Variants in DNAJB14 observed in about 807,000 individuals in gnomAD.
The protein encoded by DNAJB14 is DnaJ heat shock protein family (Hsp40) member B14.
DNAJB14 carries 22 observed loss-of-function variants against 48.4 expected under a neutral mutation model. The observed-to-expected ratio is 0.45, with a 90% CI of 0.32 to 0.65. The LOEUF is 0.65. Ranked by LOEUF, DNAJB14 falls within the 30% of genes least tolerant of loss-of-function variation. The pLI is 0.03. For synonymous variants in DNAJB14, 142 were observed against 158.7 expected (o/e 0.89, Z 0.79); for missense variants, 319 against 458.8 (o/e 0.70, Z 2.78).
chr4:99,912,471 T>G (rs1725697184), intron 3 of DNAJB14, among the ~76,000 whole-genome samples: 1 of 152,128 alleles, frequency 6.6e-6, no homozygotes, highest in Admixed American at 6.5e-5. Flanking sequence ...TATCAATCTG[T>G]GATGACTTGA....
intron 1 of DNAJB14, among the ~76,000 whole-genome samples, chr4:99,941,784 C>T (rs960824800): frequency 1.3e-5 from 2 of 152,118 alleles, no homozygotes; most frequent in Admixed American, 6.5e-5. Context: ...TCCAAGGTCA[C>T]ATCATTATTA....
At chr4:99,912,132 A>G (rs1255964457) in intron 3 of DNAJB14, among the ~76,000 whole-genome samples, 2 of 152,246 alleles carry the variant, frequency 1.3e-5, no homozygotes. Context: ...TGAAAAGGCT[A>G]TCTTTCCTCC....
chr4:99,915,240 C>T (rs1725812253), intron 3 of DNAJB14, among the ~76,000 whole-genome samples: 1 of 152,172 alleles, frequency 6.6e-6, no homozygotes. Context: ...CAGGTTCATG[C>T]CATTCTCCTG....
intron 3 of DNAJB14, among the ~76,000 whole-genome samples, chr4:99,913,526 A>G (rs1196338945): frequency 1.3e-5 from 2 of 149,636 alleles, no homozygotes; most frequent in South Asian, 2.1e-4. Context: ...ATAAACTTCT[A>G]TTGTTTGGGG....
chr4:99,905,772 G>T, intron 5 of DNAJB14, 66 bp from the exon 6 acceptor site: 1 of 1,507,928 alleles, frequency 6.6e-7, no homozygotes, highest in Non-Finnish European at 9.2e-7. Flanking sequence ...TACAACAGTT[G>T]TCATACATTT....
At chr4:99,906,696 T>TA (rs1560731867) in intron 4 of DNAJB14, 85 bp from the exon 5 acceptor site, 4 of 1,154,052 alleles carry the variant, frequency 3.5e-6, no homozygotes, top group Non-Finnish European at 5.0e-6. Context: ...TCTTTAATTT[T>TA]AAAAAATTAC....
chr4:99,905,582 C>T lies in DNAJB14; in HGVS notation c.842+15G>A. 1 of 1,585,276 alleles carries T rather than the reference C, an allele frequency of 6.3e-7. No homozygotes were observed. Among genetic ancestry groups the T allele is most frequent in the Non-Finnish European group, 8.6e-7 (1 of 1,160,350 alleles). On this transcript the variant is annotated intron_variant, in intron 6 of 7. Coordinates refer to ENST00000442697, the MANE Select transcript of DNAJB14 (RefSeq NM_001031723.4). ...CAACAATTCATTTTTTGTAAAACTT[C>T]ACTTGGCTACTTACGATCTGGGATA... is the stretch of plus-strand genomic sequence containing the variant.
intron 1 of DNAJB14, among the ~76,000 whole-genome samples, chr4:99,937,886 G>A (rs1382307118): frequency 4.1e-5 from 6 of 145,452 alleles, no homozygotes; most frequent in Non-Finnish European, 6.0e-5. Context: ...TTCAAAACCA[G>A]CCTGGAGAAC....
intron 1 of DNAJB14, among the ~76,000 whole-genome samples, chr4:99,936,100 C>T (rs1350751808): frequency 6.6e-6 from 1 of 152,068 alleles, no homozygotes; most frequent in Non-Finnish European, 1.5e-5. Flanking sequence ...ACAGTCACAA[C>T]CAAAAACATG....
intron 2 of DNAJB14, chr4:99,924,713 T>C (rs1453843540): frequency 1.4e-5 from 23 of 1,608,182 alleles, no homozygotes; most frequent in Non-Finnish European, 1.7e-5. Flanking sequence ...GTTTAGAAGC[T>C]ATGTGATAGA....
chr4:99,903,722 T>G lies in DNAJB14; in HGVS notation c.1015+4A>C. 5 of 1,605,472 alleles carry G rather than the reference T, an allele frequency of 3.1e-6. No individual in the cohort carries two copies. Among genetic ancestry groups the G allele is most frequent in the Non-Finnish European group, 4.2e-6 (5 of 1,177,496 alleles). On this transcript the variant is annotated splice_donor_region_variant and intron_variant, in intron 7 of 7. Coordinates refer to ENST00000442697, the MANE Select transcript of DNAJB14 (RefSeq NM_001031723.4). ...TTAAAATGTTAAACACATGACAAAC[T>G]TACTTTGTTGTCTTTCTTTCCAGCA...
chr4:99,898,413 G>A lies in DNAJB14; in HGVS notation c.*2615C>T, dbSNP rs1725194012. 6.6e-6 allele frequency: 1 copy of A among 151,916 alleles called. No individual in the cohort carries two copies. The highest frequency in any genetic ancestry group is 1.5e-5 in the Non-Finnish European group (1 of 67,818). The allele number at this position is 151,916 out of a possible 1,614,324, so 9.4% of individuals were successfully genotyped here. A position where few individuals can be genotyped will look rare whatever the true frequency, so the allele number is the denominator to read the frequency against. ...TCAACTTGACATTTTTCATTGCTGA[G>A]AATTCAGTTCACATTTAATCAAACT... is the stretch of plus-strand genomic sequence containing the variant. On this transcript the variant is annotated 3_prime_UTR_variant, in exon 8 of 8. Coordinates refer to ENST00000442697, the MANE Select transcript of DNAJB14 (RefSeq NM_001031723.4).
Position 99,899,291 on chromosome 4 carries a change from T to C in DNAJB14, c.*1737A>G, listed in dbSNP as rs763186714. 6.6e-6 allele frequency: 1 copy of C among 151,896 alleles called. No individual in the cohort carries two copies. The highest frequency in any genetic ancestry group is 2.4e-5 in the African/African-American group (1 of 41,416). 9.4% of individuals were successfully genotyped at this position (151,896 alleles called of 1,614,324 possible). The stretch of plus-strand genomic sequence containing the variant: ...AAATTTTCATAAATTTTCTGATGCA[T>C]ATGAACTTTCAAAGTTAATTAAAAT... On this transcript the variant is annotated 3_prime_UTR_variant, in exon 8 of 8. Transcript: ENST00000442697.
intron 2 of DNAJB14, chr4:99,924,423 A>C (rs1014814960): frequency 2.1e-5 from 4 of 193,994 alleles, no homozygotes; most frequent in Non-Finnish European, 3.1e-5. Context: ...TATATAATGA[A>C]GGCATCTATC....
At chr4:99,934,335 A>G (rs78458377) in intron 1 of DNAJB14, among the ~76,000 whole-genome samples, 2,051 of 152,342 alleles carry the variant, frequency 0.013, 51 homozygotes, top group African/African-American at 0.047. Flanking sequence ...ATACAAAATT[A>G]TAAGAAAAAA....
At chr4:99,938,859 T>A (rs765617072) in intron 1 of DNAJB14, among the ~76,000 whole-genome samples, 1 of 152,116 alleles carries the variant, frequency 6.6e-6, no homozygotes, top group Non-Finnish European at 1.5e-5. Flanking sequence ...TTTTGGAGAA[T>A]GAAAAGGAAT....
intron 1 of DNAJB14, among the ~76,000 whole-genome samples, chr4:99,943,522 A>G (rs1560751553): frequency 6.6e-6 from 1 of 152,208 alleles, no homozygotes; most frequent in Non-Finnish European, 1.5e-5. Context: ...TGACACCAAA[A>G]TTAATTGAGT....
intron 5 of DNAJB14, 58 bp downstream of exon 5, chr4:99,906,459 C>G: frequency 6.6e-7 from 1 of 1,515,764 alleles, no homozygotes; most frequent in South Asian, 1.1e-5. Flanking sequence ...TCAGACAACT[C>G]TAATTACTTT....
intron 3 of DNAJB14, chr4:99,922,818 G>T: frequency 2.4e-6 from 1 of 411,594 alleles, no homozygotes; most frequent in Non-Finnish European, 4.4e-6. Context: ...AAAGTTACTT[G>T]AGACTGTATC....
Sources: gnomAD v4.1 joint callset for allele counts (sites outside exome capture counted in the v4.1 genomes callset) on GRCh38, gnomAD v4.1.1 for gene constraint, MANE v1.5 for transcripts, NCBI Gene and HGNC (gene_info 2026-07-23, HGNC 2026-07-21) for gene names.